The following PDE4B variants were observed in gnomAD, a reference collection of about 807,000 sequenced individuals.
The protein encoded by PDE4B is 3',5'-cyclic-AMP phosphodiesterase 4B.
In PDE4B, 20 loss-of-function variants were observed where a neutral mutation model predicts 82.2. The observed-to-expected ratio is 0.24, with a 90% CI of 0.17 to 0.35. The LOEUF is 0.35. PDE4B is among the 10% of genes least tolerant of loss of function. The pLI is 1.00. For synonymous variants in PDE4B, 320 were observed against 318.9 expected (o/e 1.00, Z -0.04); for missense variants, 655 against 907.2 (o/e 0.72, Z 3.57).
At chr1:65,995,017 C>T (rs2100688680) in intron 3 of PDE4B, among the ~76,000 whole-genome samples, 2 of 152,106 alleles carry the variant, frequency 1.3e-5, no homozygotes, top group Admixed American at 1.3e-4. Context: ...CTGAAGTTAC[C>T]TACGCTAATA....
rs151218424 is a variant in PDE4B at position 65,915,713 on chromosome 1, A to T, written c.42+2357A>T. On this transcript the variant is annotated intron_variant, in intron 2 of 16. Transcript: ENST00000341517. ...GTGTCCCCTCCCCCTCCTCTCTGTA[A>T]ACTTCTACTTAGGTGCAGGATTTTA... 6.9e-3 allele frequency among the ~76,000 whole-genome samples: 1,043 copies of T among 152,238 alleles called. 13 individuals carry two copies. The highest frequency in any genetic ancestry group is 0.023 in the African/African-American group (950 of 41,542).
chr1:66,197,653 T>C (rs1648445216), intron 3 of PDE4B, among the ~76,000 whole-genome samples: 1 of 152,076 alleles, frequency 6.6e-6, no homozygotes, highest in Admixed American at 6.6e-5. Context: ...TTCTTCAAAA[T>C]CCCCAATCTA....
intron 1 of PDE4B, among the ~76,000 whole-genome samples, chr1:65,878,879 C>G (rs773122796): frequency 2.0e-5 from 3 of 152,004 alleles, no homozygotes; most frequent in African/African-American, 4.8e-5. Context: ...GCACATGTAT[C>G]CCCAAAGTTA....
intron 1 of PDE4B, among the ~76,000 whole-genome samples, chr1:65,851,175 T>C (rs781027723): frequency 2.0e-5 from 3 of 152,182 alleles, no homozygotes; most frequent in African/African-American, 4.8e-5. Flanking sequence ...CATGAACCTA[T>C]GTTTTATCCT....
chr1:65,886,282 G>C (rs1646775639), intron 1 of PDE4B, among the ~76,000 whole-genome samples: 1 of 151,868 alleles, frequency 6.6e-6, no homozygotes, highest in Admixed American at 6.6e-5. Flanking sequence ...TATTTATGGG[G>C]TACATGTGGT....
At chr1:66,101,203 T>C (rs1291602574) in intron 3 of PDE4B, among the ~76,000 whole-genome samples, 1 of 152,232 alleles carries the variant, frequency 6.6e-6, no homozygotes, top group Non-Finnish European at 1.5e-5. Context: ...GGTGTATATG[T>C]GCCACATTTT....
At chr1:66,359,639 C>T (rs1480834844) in intron 9 of PDE4B, among the ~76,000 whole-genome samples, 1 of 152,152 alleles carries the variant, frequency 6.6e-6, no homozygotes, top group African/African-American at 2.4e-5. Context: ...AGGGAAAAGG[C>T]TGCTGGTCCT....
chr1:65,908,791 ACACCTTCCTT>A lies in PDE4B; in HGVS notation c.-70-4453_-70-4444del, dbSNP rs1433322691. ...CCGTTACAGGAAGGGCCTCATCTCA[ACACCTTCCTT>A]AGAGAAGGCGTCAAAGTAAGTCTGA... On this transcript the variant is annotated intron_variant, in intron 1 of 16. Transcript: ENST00000341517. Among the ~76,000 whole-genome samples, 4 of 152,226 alleles carry A rather than the reference ACACCTTCCTT, an allele frequency of 2.6e-5. No homozygotes were observed. In the East Asian group the frequency reaches 7.7e-4, roughly 29 times the overall value.
intron 12 of PDE4B, among the ~76,000 whole-genome samples, chr1:66,364,265 A>T (rs1663053322): frequency 6.6e-6 from 1 of 152,204 alleles, no homozygotes; most frequent in Non-Finnish European, 1.5e-5. Context: ...AAAAAATTAT[A>T]AAACTGATGC....
chr1:66,355,028 T>C, intron 8 of PDE4B: 4 of 701,394 alleles, frequency 5.7e-6, no homozygotes, highest in Non-Finnish European at 7.1e-6. Flanking sequence ...CCTCTTATTT[T>C]GAAATAAGAG....
chr1:66,027,398 G>A (rs1653506810), intron 3 of PDE4B, among the ~76,000 whole-genome samples: 1 of 152,074 alleles, frequency 6.6e-6, no homozygotes, highest in Non-Finnish European at 1.5e-5. Flanking sequence ...CACAACATGT[G>A]GAAATTCTGG....
intron 7 of PDE4B, among the ~76,000 whole-genome samples, chr1:66,295,364 T>TA (rs1229982448): frequency 6.6e-6 from 1 of 152,224 alleles, no homozygotes; most frequent in Non-Finnish European, 1.5e-5. Flanking sequence ...AAATAATACT[T>TA]ACCTTTACTA....
At chr1:66,152,231 C>G (rs890067184) in intron 3 of PDE4B, among the ~76,000 whole-genome samples, 6 of 152,174 alleles carry the variant, frequency 3.9e-5, no homozygotes, top group Admixed American at 3.3e-4. Context: ...AGGGTAAATC[C>G]ATTTTAGAAG....
At chr1:65,945,097 A>G (rs1202894421) in intron 3 of PDE4B, among the ~76,000 whole-genome samples, 1 of 152,002 alleles carries the variant, frequency 6.6e-6, no homozygotes, top group Non-Finnish European at 1.5e-5. Context: ...CTCCCTGCCC[A>G]TGTGTTCTCC....
intron 1 of PDE4B, among the ~76,000 whole-genome samples, chr1:65,878,770 T>C (rs1250799074): frequency 1.3e-5 from 2 of 151,850 alleles, no homozygotes; most frequent in African/African-American, 4.8e-5. Flanking sequence ...TTAGGACAAA[T>C]ACCTAAGGCA....
chr1:66,317,952 G>A (rs1277311093), intron 7 of PDE4B, among the ~76,000 whole-genome samples: 2 of 152,174 alleles, frequency 1.3e-5, no homozygotes, highest in African/African-American at 4.8e-5. Flanking sequence ...GATTGAGGAG[G>A]TGGGACTCCC....
intron 1 of PDE4B, among the ~76,000 whole-genome samples, chr1:65,876,825 A>T (rs527873566): frequency 6.6e-6 from 1 of 152,328 alleles, no homozygotes; most frequent in East Asian, 1.9e-4. Flanking sequence ...TAAAATATCT[A>T]GAAATACAAC....
chr1:65,853,752 T>A (rs138679407), intron 1 of PDE4B, among the ~76,000 whole-genome samples: 321 of 152,142 alleles, frequency 2.1e-3, no homozygotes, highest in African/African-American at 6.7e-3. Context: ...ATGGTCTCAA[T>A]CTCTTGACCT....
At chr1:65,995,802 A>G (rs993976094) in intron 3 of PDE4B, among the ~76,000 whole-genome samples, 4 of 152,212 alleles carry the variant, frequency 2.6e-5, no homozygotes, top group Non-Finnish European at 5.9e-5. Context: ...TTATTACTTT[A>G]CAGTAGACAG....
Sources: allele counts gnomAD v4.1 joint callset (sites outside exome capture counted in the v4.1 genomes callset), GRCh38; gene constraint gnomAD v4.1.1; transcripts MANE v1.5; gene names NCBI Gene and HGNC (gene_info 2026-07-23, HGNC 2026-07-21).